Variants in STX5 observed in about 807,000 individuals in gnomAD.
STX5 encodes syntaxin-5.
A neutral mutation model predicts 42.9 loss-of-function variants in STX5; 15 were observed. The observed-to-expected ratio is 0.35, with a 90% CI of 0.23 to 0.54. STX5 has a LOEUF of 0.54. STX5 is among the 20% of genes least tolerant of loss of function. The pLI is 0.91. For synonymous variants in STX5, 184 were observed against 173.2 expected (o/e 1.06, Z -0.49); for missense variants, 430 against 455.0 (o/e 0.95, Z 0.50).
intron 8 of STX5, 84 bp from the exon 9 acceptor site, chr11:62,824,649 C>G: frequency 8.0e-7 from 1 of 1,246,570 alleles, no homozygotes; most frequent in Non-Finnish European, 1.2e-6. Flanking sequence ...AATCCCAGCT[C>G]TAGCACTTAC....
chr11:62,816,469 T>C (rs11231232), intron 10 of STX5, among the ~76,000 whole-genome samples: 12,431 of 152,016 alleles, frequency 0.082, 627 homozygotes, highest in East Asian at 0.15. Flanking sequence ...CTTGGAGAGA[T>C]AGGGTCTTGC....
chr11:62,809,744 A>T (rs1028807109), intron 10 of STX5, among the ~76,000 whole-genome samples: 1 of 149,940 alleles, frequency 6.7e-6, no homozygotes, highest in Non-Finnish European at 1.5e-5. Context: ...TATTATTAGC[A>T]TGCTGTAGTA....
At chr11:62,814,667 C>T (rs551352553) in intron 10 of STX5, among the ~76,000 whole-genome samples, 103 of 150,984 alleles carry the variant, frequency 6.8e-4, no homozygotes, top group Non-Finnish European at 1.3e-3. Context: ...CGCTCGTTGC[C>T]CAGGCTGGAG....
chr11:62,807,107 G>A lies in STX5; in HGVS notation c.*362C>T, dbSNP rs114976329. 465 of 176,936 alleles carry A rather than the reference G, an allele frequency of 2.6e-3. 3 individuals carry two copies. The highest frequency in any genetic ancestry group is 0.01 in the African/African-American group (432 of 42,518). 11.0% of individuals were successfully genotyped at this position (176,936 alleles called of 1,614,324 possible). A position where few individuals can be genotyped will look rare whatever the true frequency, so the allele number is the denominator to read the frequency against. The stretch of plus-strand genomic sequence containing the variant: ...CTTCACTCACAGGAAGGTGGGTAAG[G>A]GCATCATCTCCCTTTGCTGCCAACG... On this transcript the variant is annotated 3_prime_UTR_variant, in exon 11 of 11. Transcript: ENST00000294179.
intron 1 of STX5, 52 bp from the exon 2 acceptor site, chr11:62,831,314 C>CCCCG: frequency 1.5e-6 from 2 of 1,293,776 alleles, no homozygotes; most frequent in Non-Finnish European, 2.2e-6. Flanking sequence ...TACCCAAACT[C>CCCCG]CCCCGCCCCA....
At chr11:62,825,015 C>T in intron 8 of STX5, 21 bp downstream of exon 8, 1 of 1,613,198 alleles carries the variant, frequency 6.2e-7, no homozygotes, top group Non-Finnish European at 8.5e-7. Context: ...CCCAGGGCTC[C>T]CCGTTTTACC....
At chr11:62,827,288 C>T (rs1590975281) in intron 4 of STX5, 55 bp downstream of exon 4, 2 of 1,614,008 alleles carry the variant, frequency 1.2e-6, no homozygotes, top group Non-Finnish European at 1.7e-6. Flanking sequence ...GGAATATAGT[C>T]CTCAACCCTC....
intron 5 of STX5, 69 bp from the exon 6 acceptor site, chr11:62,825,608 G>A (rs2084787459): frequency 1.5e-6 from 2 of 1,367,770 alleles, no homozygotes; most frequent in Non-Finnish European, 1.0e-6. Flanking sequence ...TCTCACGATG[G>A]CCATCTCTGG....
chr11:62,809,452 A>C (rs2084591102), intron 10 of STX5, among the ~76,000 whole-genome samples: 1 of 151,770 alleles, frequency 6.6e-6, no homozygotes, highest in Admixed American at 6.6e-5. Context: ...AGGTGGGTGC[A>C]TCACGAGGTC....
chr11:62,830,064 C>CAA (rs764798047), intron 2 of STX5, among the ~76,000 whole-genome samples: 79 of 52,506 alleles, frequency 1.5e-3, no homozygotes, highest in Non-Finnish European at 2.3e-3. Context: ...AATTCCTTCT[C>CAA]AAAAAAAAAA....
At chr11:62,808,011 GGTGA>G in intron 10 of STX5, 1 of 201,874 alleles carries the variant, frequency 5.0e-6, no homozygotes, top group South Asian at 8.7e-5. Flanking sequence ...ATTTTTATCT[GGTGA>G]GTATGTATTA....
intron 10 of STX5, among the ~76,000 whole-genome samples, chr11:62,810,282 A>C (rs2134806112): frequency 6.6e-6 from 1 of 151,734 alleles, no homozygotes; most frequent in East Asian, 2.0e-4. Flanking sequence ...CTCTACAAAA[A>C]AATTTAAAAA....
In STX5 at chr11:62,830,501, T is replaced by C. The variant is rs184854380; in HGVS notation, c.225+518A>G. On this transcript the variant is annotated intron_variant, in intron 2 of 10. Coordinates refer to ENST00000294179, the MANE Select transcript of STX5 (RefSeq NM_003164.5). ...GTTCAAGACTGCAAGTGAGCTATCA[T>C]CACACCACTACACTCCAGCCTGTTG... 4.2e-5 allele frequency: 19 copies of C among 455,572 alleles called. 1 individual carries two copies. The highest frequency in any genetic ancestry group is 2.5e-4 in the South Asian group (16 of 64,506). 28.2% of individuals were successfully genotyped at this position (455,572 alleles called of 1,614,324 possible). A position where few individuals can be genotyped will look rare whatever the true frequency, so the allele number is the denominator to read the frequency against.
chr11:62,819,723 T>C (rs1689003255), intron 10 of STX5, among the ~76,000 whole-genome samples: 1 of 151,934 alleles, frequency 6.6e-6, no homozygotes, highest in South Asian at 2.1e-4. Flanking sequence ...TTCAGAGTTT[T>C]GCTCTTGCTG....
At chr11:62,815,956 C>A (rs1362101689) in intron 10 of STX5, 1 of 151,728 alleles carries the variant, frequency 6.6e-6, no homozygotes, top group Non-Finnish European at 1.5e-5. Flanking sequence ...ATCTCATCAC[C>A]CAGGTAATAA....
chr11:62,826,110 T>C (rs2084792872), intron 5 of STX5, among the ~76,000 whole-genome samples: 1 of 151,978 alleles, frequency 6.6e-6, no homozygotes, highest in African/African-American at 2.4e-5. Flanking sequence ...AAAAATTAGC[T>C]GGGTGTGGTG....
At chr11:62,826,204 T>C (rs1452161095) in intron 5 of STX5, among the ~76,000 whole-genome samples, 1 of 150,644 alleles carries the variant, frequency 6.6e-6, no homozygotes, top group East Asian at 2.0e-4. Flanking sequence ...GCAGTGAGCC[T>C]AGATCGCGCC....
At chr11:62,808,444 A>C (rs897295004) in intron 10 of STX5, among the ~76,000 whole-genome samples, 2 of 151,592 alleles carry the variant, frequency 1.3e-5, no homozygotes, top group South Asian at 2.1e-4. Flanking sequence ...AAAAAAAAAA[A>C]AAAACACCAA....
At chr11:62,829,310 G>C (rs904716094) in intron 2 of STX5, among the ~76,000 whole-genome samples, 1 of 152,000 alleles carries the variant, frequency 6.6e-6, no homozygotes, top group Non-Finnish European at 1.5e-5. Context: ...TGTAATCCCA[G>C]CTACTTGGGA....
Sources: gnomAD v4.1 joint callset for allele counts (sites outside exome capture counted in the v4.1 genomes callset) on GRCh38, gnomAD v4.1.1 for gene constraint, MANE v1.5 for transcripts, NCBI Gene and HGNC (gene_info 2026-07-23, HGNC 2026-07-21) for gene names.